The following FANK1 variants were observed in gnomAD, a reference collection of about 807,000 sequenced individuals.
FANK1 encodes fibronectin type III and ankyrin repeat domains 1.
FANK1 carries 44 observed loss-of-function variants against 45.3 expected under a neutral mutation model. That is an observed-to-expected ratio of 0.97 (90% CI 0.76 to 1.25). The LOEUF is 1.25. FANK1 is among the 50% of genes most tolerant of loss of function. FANK1 has a pLI of 0.00. For synonymous variants in FANK1, 149 were observed against 152.5 expected, an observed-to-expected ratio of 0.98 and a Z score of 0.17; for missense variants, 391 against 424.4, an observed-to-expected ratio of 0.92 and a Z score of 0.69.
intron 1 of FANK1, among the ~76,000 whole-genome samples, chr10:125,955,189 G>A (rs1949501918): frequency 6.6e-6 from 1 of 151,624 alleles, no homozygotes; most frequent in Non-Finnish European, 1.5e-5. Context: ...GTGGTTTGCT[G>A]CACAGATCAA....
intron 1 of FANK1, among the ~76,000 whole-genome samples, chr10:125,902,137 G>A (rs1377727028): frequency 6.6e-6 from 1 of 152,194 alleles, no homozygotes; most frequent in Non-Finnish European, 1.5e-5. Flanking sequence ...GGGAGGGATA[G>A]CGTTAGGAGA....
chr10:125,985,436 AATT>A (rs1951489828), intron 2 of FANK1, among the ~76,000 whole-genome samples: 1 of 152,224 alleles, frequency 6.6e-6, no homozygotes, highest in African/African-American at 2.4e-5. Flanking sequence ...GTTTTAAAAA[AATT>A]ATTACTTTTT....
At chr10:125,906,515 CAAAAAAAAAAAAA>C (rs34132526) in intron 1 of FANK1, among the ~76,000 whole-genome samples, 25 of 46,350 alleles carry the variant, frequency 5.4e-4, no homozygotes, top group East Asian at 1.9e-3. Context: ...GACTCTGTCT[CAAAAAAAAAAAAA>C]AAAAAAAAAA....
At chr10:125,980,650 T>C in intron 2 of FANK1, 1 of 296,040 alleles carries the variant, frequency 3.4e-6, no homozygotes, top group Non-Finnish European at 6.3e-6. Context: ...CATCAGGCTG[T>C]TGTGTTCACT....
At chr10:125,898,054 G>T (rs1204204460) in intron 1 of FANK1, among the ~76,000 whole-genome samples, 1 of 143,996 alleles carries the variant, frequency 6.9e-6, no homozygotes, top group African/African-American at 2.6e-5. Context: ...GGTGGCGCGT[G>T]CCTGGAGTCC....
chr10:125,995,731 A>AAC (rs2134219207), intron 4 of FANK1, among the ~76,000 whole-genome samples: 1 of 152,246 alleles, frequency 6.6e-6, no homozygotes, highest in African/African-American at 2.4e-5. Flanking sequence ...AAAAGGAATT[A>AAC]CAAGGCTGGG....
rs576180775 is a variant in FANK1 at position 125,961,901 on chromosome 10, A to G, written c.14-18260A>G. ...CAAGGCTGCAGTGAGCTACTATCAAACTACTGCCCCCTAGCCTGGGTGATA... is the reference window on the plus strand; with the variant it reads ...CAAGGCTGCAGTGAGCTACTATCAAGCTACTGCCCCCTAGCCTGGGTGATA... On this transcript the variant is annotated intron_variant, in intron 1 of 10. Coordinates refer to ENST00000368693, the MANE Select transcript of FANK1 (RefSeq NM_145235.5). Among the ~76,000 whole-genome samples the G allele has an allele frequency of 9.8e-5, 15 of 152,314 alleles. 1 individual carries two copies. Among genetic ancestry groups the G allele is most frequent in the African/African-American group, 3.6e-4 (15 of 41,574 alleles).
chr10:125,996,627 A>G lies in FANK1; in HGVS notation c.473+3A>G. Reference sequence around the variant, plus strand: ...GCTGCCCAGAAAGGATACACCAGGTATGGCTCTTCTTTTTTTTAAATCTCT... The same window carrying G: ...GCTGCCCAGAAAGGATACACCAGGTGTGGCTCTTCTTTTTTTTAAATCTCT... On this transcript the variant is annotated splice_donor_region_variant and intron_variant, in intron 5 of 10. Coordinates refer to ENST00000368693, the MANE Select transcript of FANK1 (RefSeq NM_145235.5). 1.2e-6 allele frequency: 2 copies of G among 1,612,732 alleles called. No homozygotes were observed. The highest frequency in any genetic ancestry group is 1.7e-6 in the Non-Finnish European group (2 of 1,179,534).
intron 1 of FANK1, among the ~76,000 whole-genome samples, chr10:125,911,201 G>A (rs992271059): frequency 6.6e-6 from 1 of 152,204 alleles, no homozygotes; most frequent in Non-Finnish European, 1.5e-5. Context: ...TAAGTGGGAA[G>A]AAGAAACGTC....
chr10:125,987,176 T>C (rs1024583991), intron 2 of FANK1, among the ~76,000 whole-genome samples: 2 of 152,160 alleles, frequency 1.3e-5, no homozygotes, highest in Admixed American at 1.3e-4. Flanking sequence ...CAACTCAGTG[T>C]TGACAGGTTC....
intron 1 of FANK1, among the ~76,000 whole-genome samples, chr10:125,953,568 C>A (rs1216226030): frequency 1.3e-5 from 2 of 152,192 alleles, no homozygotes; most frequent in Non-Finnish European, 1.5e-5. Context: ...TTTATGGTAA[C>A]AACCTGGATT....
intron 1 of FANK1, among the ~76,000 whole-genome samples, chr10:125,945,196 G>C (rs1948697891): frequency 6.6e-6 from 1 of 152,164 alleles, no homozygotes; most frequent in Non-Finnish European, 1.5e-5. Context: ...TGTAAGTCAT[G>C]TGTGTCTTGT....
chr10:125,937,658 A>G (rs1483802225), intron 1 of FANK1, among the ~76,000 whole-genome samples: 1 of 152,236 alleles, frequency 6.6e-6, no homozygotes, highest in African/African-American at 2.4e-5. Context: ...GAGTGATTTT[A>G]TATGATATAT....
In FANK1 at chr10:125,896,606, C is replaced by G; in HGVS notation, c.-37C>G. On this transcript the variant is annotated 5_prime_UTR_variant, in exon 1 of 11. Coordinates refer to ENST00000368693, the MANE Select transcript of FANK1 (RefSeq NM_145235.5). ...CCCTGGCTGAGAGGCGTTAGGAGTC[C>G]GGGGGTTCGCCCGCGGAGGCCGGGG... The G allele has an allele frequency of 7.8e-7, 1 of 1,274,098 alleles. No homozygotes were observed. Among genetic ancestry groups the G allele is most frequent in the Non-Finnish European group, 9.9e-7 (1 of 1,007,688 alleles). 78.9% of individuals were successfully genotyped at this position (1,274,098 alleles called of 1,614,324 possible).
intron 1 of FANK1, among the ~76,000 whole-genome samples, chr10:125,925,070 CTGTTTCTGTAGTTAAATCTCA>C (rs1225453601): frequency 6.6e-5 from 10 of 151,988 alleles, no homozygotes; most frequent in Non-Finnish European, 1.3e-4. Context: ...GAAGGGAAGT[CTGTTTCTGTAGTTAAATCTCA>C]TGTTCTATAT....
intron 1 of FANK1, among the ~76,000 whole-genome samples, chr10:125,967,439 T>C (rs918607900): frequency 6.6e-6 from 1 of 152,208 alleles, no homozygotes; most frequent in East Asian, 1.9e-4. Context: ...ATACAAAGTC[T>C]TGTGAAAACT....
intron 1 of FANK1, among the ~76,000 whole-genome samples, chr10:125,920,681 G>T (rs1054994049): frequency 6.6e-6 from 1 of 152,184 alleles, no homozygotes; most frequent in Non-Finnish European, 1.5e-5. Context: ...GAACCACTGG[G>T]ATCCTCACAT....
rs766493086 is a variant in FANK1 at position 125,997,420 on chromosome 10, G to A, written c.474G>A (p.Arg158=). Residue 158 remains arginine (R), a splice_region_variant and synonymous_variant, in exon 6 of 11, where the codon AGG becomes AGA. Transcript: ENST00000368693. The stretch of plus-strand genomic sequence containing the variant: ...CTACACTTAAGTTTGTTTCCTTTAG[G>A]CTTGTGAAAATCCTAGTTTCTAATG... ...LMVAAQKGYT[R]LVKILVSNGT... 6.8e-6 allele frequency: 11 copies of A among 1,613,580 alleles called. No homozygotes were observed. In the African/African-American group the frequency reaches 1.3e-4, roughly 20 times the overall value.
At chr10:125,948,500 T>C (rs1225956816) in intron 1 of FANK1, among the ~76,000 whole-genome samples, 6 of 152,150 alleles carry the variant, frequency 3.9e-5, no homozygotes, top group African/African-American at 7.2e-5. Flanking sequence ...CGCAAATAAA[T>C]TAGAAAATCT....
Sources: allele counts gnomAD v4.1 joint callset (sites outside exome capture counted in the v4.1 genomes callset), GRCh38; gene constraint gnomAD v4.1.1; transcripts MANE v1.5; gene names NCBI Gene and HGNC (gene_info 2026-07-23, HGNC 2026-07-21).